Variants in ST8SIA5 observed in about 807,000 individuals in gnomAD.
The protein encoded by ST8SIA5 is ST8 alpha-N-acetyl-neuraminide alpha-2,8-sialyltransferase 5.
Under a neutral mutation model 40.2 loss-of-function variants are expected in ST8SIA5, and 24 were observed. The ratio of observed to expected loss-of-function variants is 0.60; its 90% CI spans 0.43 to 0.84. The LOEUF (loss-of-function observed/expected upper bound fraction) is 0.84. ST8SIA5 is among the 40% of genes least tolerant of loss of function. ST8SIA5 has a pLI of 0.00. For synonymous variants in ST8SIA5, 198 were observed against 201.8 expected, an observed-to-expected ratio of 0.98 and a Z score of 0.16; for missense variants, 465 against 498.5, an observed-to-expected ratio of 0.93 and a Z score of 0.64.
At chr18:46,754,250 C>T (rs2040221097) in intron 1 of ST8SIA5, among the ~76,000 whole-genome samples, 2 of 152,028 alleles carry the variant, frequency 1.3e-5, no homozygotes, top group Admixed American at 1.3e-4. Context: ...ACACTTGCAT[C>T]TCTGCACCTT....
intron 3 of ST8SIA5, among the ~76,000 whole-genome samples, chr18:46,691,087 G>T (rs2039500648): frequency 6.6e-6 from 1 of 152,184 alleles, no homozygotes; most frequent in African/African-American, 2.4e-5. Flanking sequence ...GGGCCAATTG[G>T]CAGCACAGAT....
intron 6 of ST8SIA5, 39 bp downstream of exon 6, chr18:46,681,933 C>G (rs776774640): frequency 1.0e-5 from 16 of 1,603,380 alleles, no homozygotes; most frequent in Non-Finnish European, 1.3e-5. Context: ...TATTGGCTAC[C>G]ATTTTGGACA....
At chr18:46,687,983 G>C (rs2039464545) in intron 4 of ST8SIA5, among the ~76,000 whole-genome samples, 1 of 152,232 alleles carries the variant, frequency 6.6e-6, no homozygotes, top group Non-Finnish European at 1.5e-5. Flanking sequence ...TCTGAGAGTA[G>C]TGCGGTGAGT....
chr18:46,687,653 C>T (rs1244923384), intron 4 of ST8SIA5, among the ~76,000 whole-genome samples: 2 of 152,126 alleles, frequency 1.3e-5, no homozygotes, highest in Admixed American at 6.5e-5. Flanking sequence ...GCAGCTCCTC[C>T]CCCACATCCC....
intron 1 of ST8SIA5, among the ~76,000 whole-genome samples, chr18:46,717,987 C>T (rs111447521): frequency 0.028 from 4,310 of 152,270 alleles, 210 homozygotes; most frequent in African/African-American, 0.098. Context: ...CTTCACAGGC[C>T]TTCCTACTTG....
rs1319315706 is a variant in ST8SIA5, at chr18:46,668,059, C to G, written c.*11983G>C. 6.6e-6 allele frequency: 1 copy of G among 152,284 alleles called. No individual in the cohort carries two copies. Among genetic ancestry groups the G allele is most frequent in the Admixed American group, 6.5e-5 (1 of 15,288 alleles). 9.4% of individuals were successfully genotyped at this position (152,284 alleles called of 1,614,324 possible). ...ATCAGGCCTGCAGCCCCCATGTCCC[C>G]AAACTGTCTTTGAATGGCACAGCCT... On this transcript the variant is annotated 3_prime_UTR_variant, in exon 7 of 7. Coordinates refer to ENST00000315087, the MANE Select transcript of ST8SIA5 (RefSeq NM_013305.6).
chr18:46,750,687 G>A (rs980118063), intron 1 of ST8SIA5, among the ~76,000 whole-genome samples: 1 of 152,026 alleles, frequency 6.6e-6, no homozygotes, highest in African/African-American at 2.4e-5. Context: ...CTCGTCCCTT[G>A]GTTTCCTTAA....
intron 3 of ST8SIA5, among the ~76,000 whole-genome samples, chr18:46,689,437 C>T (rs931534892): frequency 6.6e-6 from 1 of 152,188 alleles, no homozygotes; most frequent in Non-Finnish European, 1.5e-5. Context: ...TGCTCTGCCC[C>T]GACCAGTTGT....
At chr18:46,708,182 C>T (rs932791452) in intron 1 of ST8SIA5, among the ~76,000 whole-genome samples, 1 of 152,118 alleles carries the variant, frequency 6.6e-6, no homozygotes, top group African/African-American at 2.4e-5. Context: ...CAGTGGATGC[C>T]CCAGGAAGTC....
At chr18:46,712,512 G>A (rs1402903265) in intron 1 of ST8SIA5, among the ~76,000 whole-genome samples, 1 of 152,180 alleles carries the variant, frequency 6.6e-6, no homozygotes. Flanking sequence ...AGTCAGCCCA[G>A]GGGTCAGCTT....
intron 2 of ST8SIA5, among the ~76,000 whole-genome samples, chr18:46,704,338 G>A (rs2039648087): frequency 6.6e-6 from 1 of 152,134 alleles, no homozygotes; most frequent in African/African-American, 2.4e-5. Flanking sequence ...AGTCACCAGA[G>A]GTGACCTTGC....
At chr18:46,748,091 G>C (rs151263905) in intron 1 of ST8SIA5, among the ~76,000 whole-genome samples, 6,875 of 152,024 alleles carry the variant, frequency 0.045, 500 homozygotes, top group African/African-American at 0.15. Context: ...GGCTGGGGGA[G>C]GGATAGCATT....
At position 46,676,962 on chromosome 18, in the gene ST8SIA5, T is replaced by A. The variant is rs1037173883; in HGVS notation, c.*3080A>T. ...CCAGTTGAGCCACAAGCTGGCCATG[T>A]AGCCCTGGGCAAGTCATTCGTGTTG... On this transcript the variant is annotated 3_prime_UTR_variant, in exon 7 of 7. Coordinates refer to ENST00000315087, the MANE Select transcript of ST8SIA5 (RefSeq NM_013305.6). 16 of 152,180 alleles carry A rather than the reference T, an allele frequency of 1.1e-4. 1 individual carries two copies. The highest frequency in any genetic ancestry group is 1.0e-3 in the Admixed American group (16 of 15,288). The allele number at this position is 152,180 out of a possible 1,614,324, so 9.4% of individuals were successfully genotyped here.
intron 2 of ST8SIA5, among the ~76,000 whole-genome samples, chr18:46,699,078 TG>T (rs1377750327): frequency 2.6e-5 from 4 of 152,212 alleles, no homozygotes; most frequent in Non-Finnish European, 5.9e-5. Flanking sequence ...GGGCTTGGTA[TG>T]GTTACAAATA....
rs1568246320 is a variant in ST8SIA5 at position 46,679,969 on chromosome 18, G to A, written c.*73C>T. On this transcript the variant is annotated 3_prime_UTR_variant, in exon 7 of 7. Coordinates refer to ENST00000315087, the MANE Select transcript of ST8SIA5 (RefSeq NM_013305.6). ...GCCAGGACCCCACGCTGCCCGGTTC[G>A]GGGCTCCCAGTTCCACCAGGAGGGA... 2.7e-6 allele frequency: 4 copies of A among 1,454,896 alleles called. No individual in the cohort carries two copies. In the East Asian group the frequency reaches 7.0e-5, roughly 25 times the overall value. The allele number at this position is 1,454,896 out of a possible 1,614,324, so 90.1% of individuals were successfully genotyped here.
intron 1 of ST8SIA5, among the ~76,000 whole-genome samples, chr18:46,712,310 C>T (rs979071328): frequency 3.9e-5 from 6 of 152,180 alleles, no homozygotes; most frequent in Non-Finnish European, 5.9e-5. Context: ...GCACCCTAGC[C>T]AAGAGATACA....
rs530130795 is a variant in ST8SIA5 at position 46,726,015 on chromosome 18, G to GATATATATATATATATAT, written c.132-21352_132-21351insATATATATATATATATAT. 2.6e-4 allele frequency among the ~76,000 whole-genome samples: 8 copies of GATATATATATATATATAT among 31,100 alleles called. No homozygotes were observed. The East Asian group carries it at 7.1e-3, about 27-fold the overall frequency. 20.4% of individuals were successfully genotyped at this position (31,100 alleles called of 152,430 possible). A position where few individuals can be genotyped will look rare whatever the true frequency, so the allele number is the denominator to read the frequency against. ...TATATATATATATATATATATCCTG[G>GATATATATATATATATAT]ATATATATATATATCCTGGATATAT... On this transcript the variant is annotated intron_variant, in intron 1 of 6. Coordinates refer to ENST00000315087, the MANE Select transcript of ST8SIA5 (RefSeq NM_013305.6).
In ST8SIA5 at chr18:46,671,142, A is replaced by C. The variant is rs1275066983; in HGVS notation, c.*8900T>G. On this transcript the variant is annotated 3_prime_UTR_variant, in exon 7 of 7. Coordinates refer to ENST00000315087, the MANE Select transcript of ST8SIA5 (RefSeq NM_013305.6). ...CCTCAGTAAAACAGTAGCCATTTCC[A>C]CTTTTAATAAGTCTTTGAGATCTCC... is the stretch of plus-strand genomic sequence containing the variant. 1 of 152,150 alleles carries C rather than the reference A, an allele frequency of 6.6e-6. No homozygotes were observed. The highest frequency in any genetic ancestry group is 1.5e-5 in the Non-Finnish European group (1 of 68,034). The allele number at this position is 152,150 out of a possible 1,614,324, so 9.4% of individuals were successfully genotyped here. A position where few individuals can be genotyped will look rare whatever the true frequency, so the allele number is the denominator to read the frequency against.
In ST8SIA5 at chr18:46,680,397, A is replaced by G; in HGVS notation, c.776T>C (p.Ile259Thr). 1.2e-6 allele frequency: 2 copies of G among 1,613,888 alleles called. No individual in the cohort carries two copies. The highest frequency in any genetic ancestry group is 1.7e-6 in the Non-Finnish European group (2 of 1,179,878). The change falls in exon 7 of 7, where the codon ATC becomes ACC. Residue 259 changes from isoleucine to threonine, a missense_variant. Physicochemically the swap from Ile to Thr is moderately conservative, Grantham distance 89. Transcript: ENST00000315087. ...FYNTRNTDVS[I>T]RVKYVLDDFE... The stretch of plus-strand genomic sequence containing the variant: ...GTCGTCCAGCACGTACTTGACGCGG[A>G]TGGACACGTCGGTGTTGCGCGTGTT...
Sources: gnomAD v4.1 joint callset for allele counts (sites outside exome capture counted in the v4.1 genomes callset) on GRCh38, gnomAD v4.1.1 for gene constraint, MANE v1.5 for transcripts, NCBI Gene and HGNC (gene_info 2026-07-23, HGNC 2026-07-21) for gene names.